The following ZNF385B variants were observed in gnomAD, a reference collection of about 807,000 sequenced individuals.
The protein encoded by ZNF385B is zinc finger protein 533.
A neutral mutation model predicts 39.2 loss-of-function variants in ZNF385B; 23 were observed. That is an observed-to-expected ratio of 0.59 (90% CI 0.42 to 0.83). The LOEUF (loss-of-function observed/expected upper bound fraction) is 0.83, where lower values mean the gene tolerates loss of function less well. Among genes scored for constraint, ZNF385B ranks in the 40% least tolerant of loss-of-function variants. The probability of loss-of-function intolerance (pLI) is 0.00; values close to 1 mark genes in which losing one functional copy is unlikely to be tolerated. For synonymous variants in ZNF385B, 205 were observed against 222.6 expected (o/e 0.92, Z 0.70); for missense variants, 552 against 598.9 (o/e 0.92, Z 0.82).
intron 1 of ZNF385B, among the ~76,000 whole-genome samples, chr2:179,841,136 G>A (rs182283702): frequency 7.9e-4 from 120 of 152,308 alleles, no homozygotes; most frequent in African/African-American, 2.0e-3. Flanking sequence ...GGATCACATC[G>A]TACAAGGCAG....
chr2:179,637,239 C>A (rs1691843525), intron 3 of ZNF385B: 1 of 152,164 alleles, frequency 6.6e-6, no homozygotes, highest in Admixed American at 6.5e-5. Flanking sequence ...AGATCTCTGG[C>A]AGATGCCTCA....
chr2:179,677,679 C>T (rs1311593493), intron 3 of ZNF385B, among the ~76,000 whole-genome samples: 2 of 152,244 alleles, frequency 1.3e-5, no homozygotes, highest in Non-Finnish European at 2.9e-5. Flanking sequence ...AGAGCCAAAC[C>T]TATGCCTGAA....
At chr2:179,598,897 T>C (rs1049971383) in intron 3 of ZNF385B, among the ~76,000 whole-genome samples, 11 of 152,300 alleles carry the variant, frequency 7.2e-5, no homozygotes, top group Non-Finnish European at 1.5e-4. Flanking sequence ...ATTTGTTATA[T>C]TGATTCTTTT....
chr2:179,696,326 C>CTTTTTTTTTTTTT (rs71029828), intron 3 of ZNF385B, among the ~76,000 whole-genome samples: 639 of 40,346 alleles, frequency 0.016, 258 homozygotes, highest in Admixed American at 0.041. Context: ...CAAACTGGGA[C>CTTTTTTTTTTTTT]TTTTTTTTTT....
At chr2:179,665,270 G>A (rs2106288088) in intron 3 of ZNF385B, among the ~76,000 whole-genome samples, 1 of 152,330 alleles carries the variant, frequency 6.6e-6, no homozygotes, top group South Asian at 2.1e-4. Context: ...GAGCTACAAT[G>A]ATCAATTCCC....
At chr2:179,696,325 A>ATTTT (rs1333224792) in intron 3 of ZNF385B, among the ~76,000 whole-genome samples, 38 of 9,800 alleles carry the variant, frequency 3.9e-3, no homozygotes, top group Non-Finnish European at 5.8e-3. Flanking sequence ...ACAAACTGGG[A>ATTTT]CTTTTTTTTT....
In ZNF385B at chr2:179,665,738, G is replaced by A. The variant is rs561413055; in HGVS notation, c.298+103765C>T. Among the ~76,000 whole-genome samples, 11 of 152,054 alleles carry A rather than the reference G, an allele frequency of 7.2e-5. No homozygotes were observed. The East Asian group carries it at 1.4e-3, about 19-fold the overall frequency. On this transcript the variant is annotated intron_variant, in intron 3 of 9. Coordinates refer to ENST00000410066, the MANE Select transcript of ZNF385B (RefSeq NM_152520.6). ...ACTGGATAGCAGACGTTCAAATAACGCAATGTAGGTTTTCCTAAAATAGAT... is the reference window on the plus strand; with the variant it reads ...ACTGGATAGCAGACGTTCAAATAACACAATGTAGGTTTTCCTAAAATAGAT...
chr2:179,704,010 G>C (rs1699404357), intron 3 of ZNF385B, among the ~76,000 whole-genome samples: 1 of 152,190 alleles, frequency 6.6e-6, no homozygotes, highest in Non-Finnish European at 1.5e-5. Flanking sequence ...AAAGTCACAG[G>C]CTAGAGAGAC....
intron 1 of ZNF385B, among the ~76,000 whole-genome samples, chr2:179,793,457 C>T (rs1705465887): frequency 6.6e-6 from 1 of 152,146 alleles, no homozygotes; most frequent in African/African-American, 2.4e-5. Context: ...GTGATTGGAT[C>T]ATGGGGATAG....
At chr2:179,729,141 AAAAAAAC>A (rs1467181182) in intron 3 of ZNF385B, among the ~76,000 whole-genome samples, 1,384 of 119,732 alleles carry the variant, frequency 0.012, 13 homozygotes, top group Non-Finnish European at 0.016. Context: ...AAAAAAAAAA[AAAAAAAC>A]CAAGGAAATT....
chr2:179,736,846 T>C (rs1369098521), intron 3 of ZNF385B, among the ~76,000 whole-genome samples: 1 of 152,138 alleles, frequency 6.6e-6, no homozygotes, highest in Non-Finnish European at 1.5e-5. Flanking sequence ...GGTGAGCACC[T>C]GTAGTCCCAG....
At chr2:179,653,636 T>A (rs1693427577) in intron 3 of ZNF385B, among the ~76,000 whole-genome samples, 1 of 152,122 alleles carries the variant, frequency 6.6e-6, no homozygotes, top group Non-Finnish European at 1.5e-5. Context: ...TACAATAGAA[T>A]CAGGTCCTGC....
intron 3 of ZNF385B, among the ~76,000 whole-genome samples, chr2:179,614,519 A>AT (rs1689568723): frequency 6.6e-6 from 1 of 152,200 alleles, no homozygotes; most frequent in African/African-American, 2.4e-5. Context: ...TTTTCTGCTG[A>AT]TTGACAAGTA....
intron 3 of ZNF385B, among the ~76,000 whole-genome samples, chr2:179,741,675 G>T (rs921065284): frequency 6.6e-6 from 1 of 152,016 alleles, no homozygotes; most frequent in Non-Finnish European, 1.5e-5. Flanking sequence ...GTTGTTAAAA[G>T]AATTCAATAA....
At chr2:179,853,778 C>T (rs957719863) in intron 1 of ZNF385B, among the ~76,000 whole-genome samples, 18 of 152,072 alleles carry the variant, frequency 1.2e-4, no homozygotes, top group African/African-American at 3.9e-4. Flanking sequence ...TGATGACAAC[C>T]CCATGGAAGA....
At chr2:179,723,412 T>C (rs1700813055) in intron 3 of ZNF385B, among the ~76,000 whole-genome samples, 1 of 152,142 alleles carries the variant, frequency 6.6e-6, no homozygotes, top group Non-Finnish European at 1.5e-5. Flanking sequence ...ATGTGGATTA[T>C]CAGTAGAATA....
chr2:179,540,133 T>G (rs2059822238), intron 4 of ZNF385B, among the ~76,000 whole-genome samples: 1 of 152,148 alleles, frequency 6.6e-6, no homozygotes, highest in Non-Finnish European at 1.5e-5. Flanking sequence ...TTTATAACTA[T>G]TGCCTTTAGA....
intron 3 of ZNF385B, among the ~76,000 whole-genome samples, chr2:179,681,002 C>G (rs2106325041): frequency 6.6e-6 from 1 of 151,986 alleles, no homozygotes; most frequent in South Asian, 2.1e-4. Context: ...ATTCTTGATC[C>G]CTGGATCCTT....
At chr2:179,548,042 A>T (rs1176413796) in intron 3 of ZNF385B, among the ~76,000 whole-genome samples, 1 of 149,726 alleles carries the variant, frequency 6.7e-6, no homozygotes, top group East Asian at 1.9e-4. Context: ...GTTGGTACAT[A>T]GAAATGCTAC....
Sources: allele counts gnomAD v4.1 joint callset (sites outside exome capture counted in the v4.1 genomes callset), GRCh38; gene constraint gnomAD v4.1.1; transcripts MANE v1.5; gene names NCBI Gene and HGNC (gene_info 2026-07-23, HGNC 2026-07-21).